The following STX1B variants were observed in gnomAD, a reference collection of about 807,000 sequenced individuals.
STX1B encodes syntaxin 1B.
A neutral mutation model predicts 39.4 loss-of-function variants in STX1B; 7 were observed. The observed-to-expected ratio is 0.18, with a 90% CI of 0.10 to 0.33. STX1B has a LOEUF of 0.33. STX1B is among the 10% of genes least tolerant of loss of function. The pLI is 1.00. For synonymous variants in STX1B, 136 were observed against 144.1 expected, an observed-to-expected ratio of 0.94 and a Z score of 0.40; for missense variants, 198 against 383.2, an observed-to-expected ratio of 0.52 and a Z score of 4.04.
At chr16:31,010,108 G>A (rs1273467045) in intron 1 of STX1B, among the ~76,000 whole-genome samples, 2 of 152,014 alleles carry the variant, frequency 1.3e-5, no homozygotes, top group Admixed American at 6.6e-5. Context: ...GGCCCTCCTG[G>A]GAATGCGGGG....
At chr16:30,993,600 T>C in intron 7 of STX1B, 116 bp from the exon 8 acceptor site, 2 of 1,219,394 alleles carry the variant, frequency 1.6e-6, no homozygotes, top group South Asian at 2.7e-5. Flanking sequence ...CTTAGGCACA[T>C]TATTCACCTG....
Position 30,993,337 on chromosome 16 carries a change from GA to G in STX1B, c.675+9del. On this transcript the variant is annotated intron_variant, in intron 8 of 9. Transcript: ENST00000215095. ...GGCTCCCAGAGTGGCATGGGTGGCA[GA>G]GCCAGTACCTGGCTCTCTACGAGCA... The G allele has an allele frequency of 6.2e-7, 1 of 1,614,106 alleles. No individual in the cohort carries two copies. The highest frequency in any genetic ancestry group is 8.5e-7 in the Non-Finnish European group (1 of 1,179,924).
At chr16:30,996,781 T>C (rs770885331) in intron 6 of STX1B, 25 bp from the exon 7 acceptor site, 5 of 1,611,488 alleles carry the variant, frequency 3.1e-6, no homozygotes, top group Admixed American at 1.7e-5. Flanking sequence ...GACTCCCTGC[T>C]CGGGGGCTGG....
At chr16:30,994,638 C>G (rs2056582371) in intron 7 of STX1B, among the ~76,000 whole-genome samples, 1 of 151,052 alleles carries the variant, frequency 6.6e-6, no homozygotes, top group African/African-American at 2.4e-5. Context: ...GACCCACAGT[C>G]AGATATGCCT....
intron 5 of STX1B, 42 bp downstream of exon 5, chr16:30,997,460 G>A (rs1005720467): frequency 5.8e-6 from 9 of 1,549,202 alleles, no homozygotes; most frequent in Non-Finnish European, 7.0e-6. Context: ...CTCCTCCCGA[G>A]CTGGGTCCCG....
At chr16:31,005,420 C>T (rs2056650016) in intron 1 of STX1B, among the ~76,000 whole-genome samples, 1 of 151,124 alleles carries the variant, frequency 6.6e-6, no homozygotes, top group Non-Finnish European at 1.5e-5. Context: ...CTGATTACCA[C>T]GAGTTGGGTC....
Position 30,997,022 on chromosome 16 carries a change from G to A in STX1B, c.392C>T (p.Thr131Ile). Residue 131 changes from threonine to isoleucine, a missense_variant, in exon 6 of 10, where the codon ACC becomes ATC. By Grantham distance (89) the Thr-to-Ile change is moderately conservative. Coordinates refer to ENST00000215095, the MANE Select transcript of STX1B (RefSeq NM_052874.5). ...TLSRKFVEVMTEYNATQSKYR... is the reference protein window; with the variant it reads ...TLSRKFVEVMIEYNATQSKYR... ...CTTGGACTGGGTCGCGTTATATTCG[G>A]TCATTACCTCCACGAACTTCCGGGA... 1 of 1,612,802 alleles carries A rather than the reference G, an allele frequency of 6.2e-7. No homozygotes were observed. The highest frequency in any genetic ancestry group is 8.5e-7 in the Non-Finnish European group (1 of 1,179,716).
At chr16:30,996,781 TC>T (rs747380502) in intron 6 of STX1B, 25 bp from the exon 7 acceptor site, 4 of 1,611,490 alleles carry the variant, frequency 2.5e-6, no homozygotes, top group Admixed American at 1.7e-5. Context: ...GACTCCCTGC[TC>T]GGGGGCTGGG....
At chr16:30,993,670 G>T (rs920539821) in intron 7 of STX1B, among the ~76,000 whole-genome samples, 186 bp from the exon 8 acceptor site, 4 of 152,152 alleles carry the variant, frequency 2.6e-5, no homozygotes, top group Admixed American at 1.3e-4. Flanking sequence ...CACCTCACAG[G>T]GTGGTTGTGA....
rs527993497 is a variant in STX1B at position 31,003,557 on chromosome 16, C to T, written c.31-1954G>A. Among the ~76,000 whole-genome samples the T allele has an allele frequency of 5.3e-5, 8 of 152,300 alleles. No homozygotes were observed. The East Asian group carries it at 1.4e-3, about 26-fold the overall frequency. On this transcript the variant is annotated intron_variant, in intron 1 of 9. Transcript: ENST00000215095. ...CAGGTCATGCGGCCTCTCCCTGGCC[C>T]GGGTGCCTGAGGACTTTCCTGTTCT...
At position 31,001,019 on chromosome 16, in the gene STX1B, G is replaced by A. The variant is rs767622055; in HGVS notation, c.206-17C>T. 1.2e-6 allele frequency: 2 copies of A among 1,614,122 alleles called. No individual in the cohort carries two copies. The highest frequency in any genetic ancestry group is 1.7e-6 in the Non-Finnish European group (2 of 1,180,004). On this transcript the variant is annotated splice_polypyrimidine_tract_variant and intron_variant, in intron 3 of 9. Transcript: ENST00000215095. The surrounding 1 kb of genome is among the most constrained non-coding windows in gnomAD (Gnocchi z 5.5). Reference sequence around the variant, plus strand: ...GTTTGGTCTCTGAGGGGAGGGCGAGGGCAAGTGAGATGTCTGGGTGGGAAC... The same window carrying A: ...GTTTGGTCTCTGAGGGGAGGGCGAGAGCAAGTGAGATGTCTGGGTGGGAAC...
intron 1 of STX1B, 74 bp downstream of exon 1, chr16:31,010,293 T>TCC: frequency 2.2e-6 from 2 of 889,152 alleles, no homozygotes; most frequent in Non-Finnish European, 3.1e-6. Flanking sequence ...TCCCAGCACC[T>TCC]CCCCCACTCC....
Position 30,992,825 on chromosome 16 carries a change from A to T in STX1B, c.863T>A (p.Leu288Ter). 1 of 1,609,822 alleles carries T rather than the reference A, an allele frequency of 6.2e-7. No individual in the cohort carries two copies. Among genetic ancestry groups the T allele is most frequent in the Non-Finnish European group, 8.5e-7 (1 of 1,176,620 alleles). Residue 288 changes from leucine (L) to a stop codon, truncating the protein, a stop_gained, in exon 10 of 10, where the codon TTG becomes TAG. Coordinates refer to ENST00000215095, the MANE Select transcript of STX1B (RefSeq NM_052874.5). LOFTEE classifies it high-confidence loss of function. ...LASSIGGTLG[L>*] ...AGAGAGAAGGGTGGGGGGGGCCTAC[A>T]AGCCCAGCGTCCCCCCAATGGATGA...
chr16:31,008,061 C>G (rs2056663186), intron 1 of STX1B, among the ~76,000 whole-genome samples: 1 of 152,104 alleles, frequency 6.6e-6, no homozygotes, highest in Non-Finnish European at 1.5e-5. Flanking sequence ...CAATCAGTCC[C>G]CTGGGCTAAT....
At chr16:31,004,115 G>A (rs1013754116) in intron 1 of STX1B, among the ~76,000 whole-genome samples, 6 of 152,154 alleles carry the variant, frequency 3.9e-5, no homozygotes, top group African/African-American at 9.7e-5. Flanking sequence ...CTCTGTGTCC[G>A]GACAACCTAG....
At chr16:31,003,926 G>A (rs2056644267) in intron 1 of STX1B, among the ~76,000 whole-genome samples, 1 of 152,204 alleles carries the variant, frequency 6.6e-6, no homozygotes, top group Non-Finnish European at 1.5e-5. Flanking sequence ...AGCCAGGGGG[G>A]TAAAAGGAGA....
At chr16:31,006,109 G>A (rs775638104) in intron 1 of STX1B, among the ~76,000 whole-genome samples, 1 of 151,788 alleles carries the variant, frequency 6.6e-6, no homozygotes, top group Non-Finnish European at 1.5e-5. Flanking sequence ...GAGAGTGTGC[G>A]TGTGTGTACG....
intron 1 of STX1B, among the ~76,000 whole-genome samples, chr16:31,004,800 T>C (rs2056647643): frequency 6.6e-6 from 1 of 152,128 alleles, no homozygotes; most frequent in African/African-American, 2.4e-5. Context: ...GATTCCATGT[T>C]ACAGACAAGG....
rs1299794890 is a variant in STX1B at position 30,990,547 on chromosome 16, C to T, written c.*2274G>A. Reference sequence around the variant, plus strand: ...ACACAATGCACACACAATGTACACACACATACAATGCACACACACGTACGC... The same window carrying T: ...ACACAATGCACACACAATGTACACATACATACAATGCACACACACGTACGC... On this transcript the variant is annotated 3_prime_UTR_variant, in exon 10 of 10. Transcript: ENST00000215095. 2 of 152,330 alleles carry T rather than the reference C, an allele frequency of 1.3e-5. No homozygotes were observed. The highest frequency in any genetic ancestry group is 2.9e-5 in the Non-Finnish European group (2 of 68,164). 9.4% of individuals were successfully genotyped at this position (152,330 alleles called of 1,614,324 possible). A position where few individuals can be genotyped will look rare whatever the true frequency, so the allele number is the denominator to read the frequency against.
Sources: gnomAD v4.1 joint callset for allele counts (sites outside exome capture counted in the v4.1 genomes callset) on GRCh38, gnomAD v4.1.1 for gene constraint, Gnocchi (gnomAD v3.1) non-coding constraint, MANE v1.5 for transcripts, NCBI Gene and HGNC (gene_info 2026-07-23, HGNC 2026-07-21) for gene names.